Variants in ZNF133 observed in about 807,000 individuals in gnomAD.
ZNF133 encodes zinc finger protein 133 (clone pHZ-13).
ZNF133 carries 26 observed loss-of-function variants against 54.9 expected under a neutral mutation model. That is an observed-to-expected ratio of 0.47 (90% CI 0.35 to 0.66). ZNF133 has a LOEUF of 0.66. Among genes scored for constraint, ZNF133 ranks in the 30% least tolerant of loss-of-function variants. ZNF133 has a pLI of 0.01. For missense variants in ZNF133, 653 were observed against 820.8 expected (o/e 0.80, Z 2.50); for synonymous variants, 298 against 320.3 (o/e 0.93, Z 0.74).
At chr20:18,300,282 C>A (rs1225315374) in intron 3 of ZNF133, among the ~76,000 whole-genome samples, 3 of 152,066 alleles carry the variant, frequency 2.0e-5, no homozygotes, top group Admixed American at 6.5e-5. Flanking sequence ...AAGTTTAGGA[C>A]ATTAAGTGTA....
intron 1 of ZNF133, among the ~76,000 whole-genome samples, chr20:18,291,063 A>G (rs934713822): frequency 1.3e-5 from 2 of 152,056 alleles, no homozygotes; most frequent in African/African-American, 4.8e-5. Flanking sequence ...CAACAGAGCA[A>G]GACTCCACCT....
At chr20:18,314,859 A>G in intron 6 of ZNF133, 1 of 487,736 alleles carries the variant, frequency 2.1e-6, no homozygotes. Flanking sequence ...GTAGTCTTAT[A>G]TGTAGAGCAG....
intron 6 of ZNF133, chr20:18,313,707 G>A (rs2046659765): frequency 6.6e-6 from 1 of 152,204 alleles, no homozygotes; most frequent in South Asian, 2.1e-4. Flanking sequence ...CACAAAATCA[G>A]TTATGAGTTG....
chr20:18,305,580 A>G lies in ZNF133; in HGVS notation c.-6-101A>G, dbSNP rs534475074. On this transcript the variant is annotated intron_variant, in intron 4 of 6. Transcript: ENST00000425686. This position sits in a 1 kb window ranked among gnomAD's most constrained non-coding sequence, Gnocchi z 4.7. ...TGGCACCAGGGTCACTGGGATCTTG[A>G]TATCTCACCTGCCTCCCCCAGGGCA... 4 of 1,552,178 alleles carry G rather than the reference A, an allele frequency of 2.6e-6. No individual in the cohort carries two copies. The East Asian group carries it at 9.0e-5, about 35-fold the overall frequency.
Position 18,298,218 on chromosome 20 carries a change from GTTA to G in ZNF133, c.-353-68_-353-66del, listed in dbSNP as rs1277053833. Reference sequence around the variant, plus strand: ...CACTTTCTGCAAAACCCATGACACAGTTATTCACCTAGTAAACTGAACAACACA... The same window carrying G: ...CACTTTCTGCAAAACCCATGACACAGTTCACCTAGTAAACTGAACAACACA... On this transcript the variant is annotated intron_variant, in intron 2 of 6. Coordinates refer to ENST00000425686, the MANE Select transcript of ZNF133 (RefSeq NM_001352452.2). 2.0e-6 allele frequency: 3 copies of G among 1,489,204 alleles called. No homozygotes were observed. In the African/African-American group the frequency reaches 4.2e-5, roughly 21 times the overall value. The allele number at this position is 1,489,204 out of a possible 1,614,324, so 92.2% of individuals were successfully genotyped here.
chr20:18,304,889 C>T, intron 3 of ZNF133, 119 bp from the exon 4 acceptor site: 7 of 630,492 alleles, frequency 1.1e-5, no homozygotes, highest in Non-Finnish European at 1.4e-5. Flanking sequence ...CTTGTCCCTG[C>T]TCCCCACATG....
At position 18,298,347 on chromosome 20, in the gene ZNF133, A is replaced by G; in HGVS notation, c.-295A>G. ...CAGTAATGGAACGGGAAGATTCTGGAATCTGTGTCCCCACCTAGACAACGA... is the reference window on the plus strand; with the variant it reads ...CAGTAATGGAACGGGAAGATTCTGGGATCTGTGTCCCCACCTAGACAACGA... On this transcript the variant is annotated 5_prime_UTR_variant, in exon 3 of 7. Coordinates refer to ENST00000425686, the MANE Select transcript of ZNF133 (RefSeq NM_001352452.2). 4.7e-6 allele frequency: 6 copies of G among 1,283,436 alleles called. No homozygotes were observed. The highest frequency in any genetic ancestry group is 5.9e-6 in the Non-Finnish European group (6 of 1,012,872). The allele number at this position is 1,283,436 out of a possible 1,614,324, so 79.5% of individuals were successfully genotyped here. A position where few individuals can be genotyped will look rare whatever the true frequency, so the allele number is the denominator to read the frequency against.
chr20:18,307,609 G>C (rs887125850), intron 6 of ZNF133, among the ~76,000 whole-genome samples: 1 of 152,092 alleles, frequency 6.6e-6, no homozygotes, highest in Non-Finnish European at 1.5e-5. Context: ...GAATCTCTCT[G>C]TCCCCTTTTG....
At chr20:18,308,138 T>C (rs1004466545) in intron 6 of ZNF133, among the ~76,000 whole-genome samples, 3 of 152,188 alleles carry the variant, frequency 2.0e-5, no homozygotes, top group Admixed American at 1.3e-4. Flanking sequence ...GAATTTTTCA[T>C]CCTACTTTGC....
At position 18,316,825 on chromosome 20, in the gene ZNF133, A is replaced by G. The variant is rs374821208; in HGVS notation, c.*9A>G. On this transcript the variant is annotated 3_prime_UTR_variant, in exon 7 of 7. Transcript: ENST00000425686. ...CCTTATACTCTCTCTGAAGGCAAAG[A>G]TGGGGACAAGGACTAAGAGTCAGAA... 4.6e-5 allele frequency: 73 copies of G among 1,595,008 alleles called. No homozygotes were observed. Among genetic ancestry groups the G allele is most frequent in the Non-Finnish European group, 6.1e-5 (71 of 1,169,400 alleles).
intron 6 of ZNF133, chr20:18,310,319 T>A (rs1376720093): frequency 6.5e-7 from 1 of 1,530,068 alleles, no homozygotes; most frequent in East Asian, 2.5e-5. Context: ...ATAAAATACA[T>A]CTTAACGGTT....
chr20:18,290,679 T>C (rs944585300), intron 1 of ZNF133, among the ~76,000 whole-genome samples: 1 of 152,166 alleles, frequency 6.6e-6, no homozygotes, highest in Non-Finnish European at 1.5e-5. Context: ...GAAAAGTATC[T>C]GGAAACAGCA....
chr20:18,300,295 C>A (rs1273965336), intron 3 of ZNF133, among the ~76,000 whole-genome samples: 1 of 152,152 alleles, frequency 6.6e-6, no homozygotes, highest in South Asian at 2.1e-4. Context: ...TAAGTGTAAT[C>A]CCCTTGGTTA....
At chr20:18,298,845 G>A (rs2042759584) in intron 3 of ZNF133, among the ~76,000 whole-genome samples, 1 of 152,088 alleles carries the variant, frequency 6.6e-6, no homozygotes, top group Non-Finnish European at 1.5e-5. Context: ...GCATATGGGG[G>A]AATGTAGAAG....
chr20:18,310,478 A>G (rs938470271), intron 6 of ZNF133, among the ~76,000 whole-genome samples: 9 of 152,224 alleles, frequency 5.9e-5, no homozygotes, highest in Admixed American at 4.6e-4. Context: ...ATTTGCAACA[A>G]CATGGATGAA....
At chr20:18,302,578 T>G (rs561076520) in intron 3 of ZNF133, among the ~76,000 whole-genome samples, 14 of 152,264 alleles carry the variant, frequency 9.2e-5, no homozygotes, top group Admixed American at 7.9e-4. Context: ...TGCAAAAATC[T>G]CACAGCTAAC....
chr20:18,306,390 C>T lies in ZNF133; in HGVS notation c.214C>T (p.Pro72Ser). 1.2e-6 allele frequency: 2 copies of T among 1,612,724 alleles called. No individual in the cohort carries two copies. Among genetic ancestry groups the T allele is most frequent in the East Asian group, 4.5e-5 (2 of 44,874 alleles). The change falls in exon 6 of 7, where the codon CCA becomes TCA. Residue 72 changes from proline (P) to serine (S), a missense_variant. Physicochemically the swap from Pro to Ser is moderately conservative, Grantham distance 74 (BLOSUM62 -1). Coordinates refer to ENST00000425686, the MANE Select transcript of ZNF133 (RefSeq NM_001352452.2). ...EEKKCSPATCPADPEPELYLD... is the reference protein window; with the variant it reads ...EEKKCSPATCSADPEPELYLD... ...AAAAAAATGTTCACCGGCAACCTGT[C>T]CAGGTGAGTGGGAAAACACTGGACA...
chr20:18,302,113 G>C (rs1214996489), intron 3 of ZNF133, among the ~76,000 whole-genome samples: 3 of 151,934 alleles, frequency 2.0e-5, no homozygotes, highest in Non-Finnish European at 4.4e-5. Context: ...AAATAAATGG[G>C]TATATGGCCG....
Position 18,316,075 on chromosome 20 carries a change from G to C in ZNF133, c.1224G>C (p.Lys408Asn), listed in dbSNP as rs1230068354. The C allele has an allele frequency of 6.2e-7, 1 of 1,613,802 alleles. No individual in the cohort carries two copies. Among genetic ancestry groups the C allele is most frequent in the Non-Finnish European group, 8.5e-7 (1 of 1,179,852 alleles). ...ACCAGAGGACACACTCAAAGGAGAAGCCCTATGTGTGCGGGGTGTGTGGGC... is the reference window on the plus strand; with the variant it reads ...ACCAGAGGACACACTCAAAGGAGAACCCCTATGTGTGCGGGGTGTGTGGGC... ...VNHQRTHSKEKPYVCGVCGHS... is the reference protein window; with the variant it reads ...VNHQRTHSKENPYVCGVCGHS... The change falls in exon 7 of 7, where the codon AAG becomes AAC. Residue 408 changes from lysine (K) to asparagine (N), a missense_variant. Around this residue, in one of 4 missense-constraint regions of ZNF133, gnomAD observed 292 missense variants for 431.6 expected, o/e 0.68. Coordinates refer to ENST00000425686, the MANE Select transcript of ZNF133 (RefSeq NM_001352452.2).
Sources: allele counts gnomAD v4.1 joint callset (sites outside exome capture counted in the v4.1 genomes callset), GRCh38; gene constraint gnomAD v4.1.1; regional missense constraint gnomAD v4.1.1; non-coding constraint Gnocchi (gnomAD v3.1); transcripts MANE v1.5; gene names NCBI Gene and HGNC (gene_info 2026-07-23, HGNC 2026-07-21).